Variants in MS4A13 observed in about 807,000 individuals in gnomAD.
MS4A13 encodes membrane-spanning 4-domains subfamily A member 13.
A neutral mutation model predicts 18.4 loss-of-function variants in MS4A13; 21 were observed. The ratio of observed to expected loss-of-function variants is 1.14; its 90% CI spans 0.81 to 1.64. MS4A13 has a LOEUF of 1.64. Among genes scored for constraint, MS4A13 ranks in the 40% most tolerant of loss-of-function variants. The pLI is 0.00. For missense variants in MS4A13, 173 were observed against 176.8 expected, an observed-to-expected ratio of 0.98 and a Z score of 0.12; for synonymous variants, 62 against 57.2, an observed-to-expected ratio of 1.08 and a Z score of -0.38.
intron 4 of MS4A13, among the ~76,000 whole-genome samples, chr11:60,524,808 C>G (rs192553571): frequency 1.3e-5 from 2 of 152,060 alleles, no homozygotes; most frequent in East Asian, 3.9e-4. Context: ...TACAGGTGCC[C>G]GCCACCAAGC....
At chr11:60,517,694 A>G (rs2086646324) in intron 2 of MS4A13, among the ~76,000 whole-genome samples, 1 of 152,240 alleles carries the variant, frequency 6.6e-6, no homozygotes. Flanking sequence ...TGTTGGATTT[A>G]TGGCTTCCTG....
At chr11:60,542,262 G>A (rs2086866070) in intron 6 of MS4A13, among the ~76,000 whole-genome samples, 1 of 148,506 alleles carries the variant, frequency 6.7e-6, no homozygotes, top group African/African-American at 2.5e-5. Context: ...GAGAAAGAAA[G>A]AAAGAAAAAG....
intron 6 of MS4A13, among the ~76,000 whole-genome samples, chr11:60,531,909 G>A (rs936326004): frequency 1.3e-5 from 2 of 152,244 alleles, no homozygotes; most frequent in Non-Finnish European, 2.9e-5. Context: ...CTGGGAGTTA[G>A]GACTTCCAGT....
intron 6 of MS4A13, among the ~76,000 whole-genome samples, chr11:60,538,186 A>G (rs1378485528): frequency 6.6e-6 from 1 of 151,020 alleles, no homozygotes; most frequent in Non-Finnish European, 1.5e-5. Flanking sequence ...ATAAAAAAAA[A>G]AAAAACGAAA....
intron 3 of MS4A13, 63 bp from the exon 4 acceptor site, chr11:60,523,834 A>T (rs1326825594): frequency 6.4e-6 from 6 of 943,224 alleles, no homozygotes; most frequent in Non-Finnish European, 1.0e-5. Flanking sequence ...AGAGTTATTA[A>T]AAGTACATTC....
intron 6 of MS4A13, among the ~76,000 whole-genome samples, chr11:60,532,305 G>C (rs1390249878): frequency 6.6e-6 from 1 of 152,208 alleles, no homozygotes; most frequent in African/African-American, 2.4e-5. Flanking sequence ...GCGCAGGCCA[G>C]TGTGTGCACG....
chr11:60,516,254 T>G (rs949372339), intron 2 of MS4A13, among the ~76,000 whole-genome samples, 170 bp downstream of exon 2: 3 of 152,088 alleles, frequency 2.0e-5, no homozygotes, highest in African/African-American at 7.2e-5. Context: ...TCATGTTCCT[T>G]CATGTGCTGA....
chr11:60,540,591 A>AAT (rs1185337122), intron 6 of MS4A13, among the ~76,000 whole-genome samples: 2 of 152,332 alleles, frequency 1.3e-5, no homozygotes, highest in African/African-American at 4.8e-5. Flanking sequence ...CTAAAAATAT[A>AAT]ATAGCTTAAA....
chr11:60,533,175 T>C (rs2135265670), intron 6 of MS4A13, among the ~76,000 whole-genome samples: 1 of 103,696 alleles, frequency 9.6e-6, no homozygotes, highest in Admixed American at 1.2e-4. Context: ...GGATGGAGAA[T>C]GATTTTGACG....
intron 5 of MS4A13, among the ~76,000 whole-genome samples, chr11:60,526,245 A>T (rs528428078): frequency 6.6e-6 from 1 of 152,352 alleles, no homozygotes; most frequent in African/African-American, 2.4e-5. Context: ...ATGTAAACAA[A>T]CATGGACCAG....
At chr11:60,528,178 G>A (rs1201503383) in intron 5 of MS4A13, among the ~76,000 whole-genome samples, 2 of 151,910 alleles carry the variant, frequency 1.3e-5, no homozygotes, top group African/African-American at 2.4e-5. Flanking sequence ...TTACTCTACT[G>A]GTTGTATTTT....
chr11:60,526,972 C>T (rs2135256789), intron 5 of MS4A13, among the ~76,000 whole-genome samples: 1 of 152,276 alleles, frequency 6.6e-6, no homozygotes, highest in East Asian at 1.9e-4. Flanking sequence ...TAGTTAACTG[C>T]TCTGTTCTTT....
At position 60,527,404 on chromosome 11, in the gene MS4A13, C is replaced by CTGTGTGTGTG. The variant is rs1565212716; in HGVS notation, c.307-1960_307-1959insGTGTGTGTGT. Among the ~76,000 whole-genome samples, 440 of 73,074 alleles carry CTGTGTGTGTG rather than the reference C, an allele frequency of 6.0e-3. 2 individuals are homozygous for CTGTGTGTGTG. The highest frequency in any genetic ancestry group is 7.8e-3 in the Non-Finnish European group (309 of 39,844). 47.9% of individuals were successfully genotyped at this position (73,074 alleles called of 152,430 possible). A position where few individuals can be genotyped will look rare whatever the true frequency, so the allele number is the denominator to read the frequency against. On this transcript the variant is annotated intron_variant, in intron 5 of 6. Transcript: ENST00000378186. Reference sequence around the variant, plus strand: ...TCTCTCTCTCTCTCTCTCTCTCTCTCTCTCTCTGTGTGTGTGTGTGTGTGT... The same window carrying CTGTGTGTGTG: ...TCTCTCTCTCTCTCTCTCTCTCTCTCTGTGTGTGTGTCTCTCTGTGTGTGTGTGTGTGTGT...
chr11:60,515,771 G>A (rs2086633353), intron 1 of MS4A13, 164 bp downstream of exon 1: 1 of 152,206 alleles, frequency 6.6e-6, no homozygotes, highest in Non-Finnish European at 1.5e-5. Context: ...GTCATAGAGA[G>A]AGACTTTTCA....
At chr11:60,518,288 G>A in intron 3 of MS4A13, 76 bp downstream of exon 3, 1 of 1,242,714 alleles carries the variant, frequency 8.0e-7, no homozygotes, top group Admixed American at 2.5e-5. Flanking sequence ...GTAGGGAACG[G>A]TTTCTGAACA....
rs1183055805 is a variant in MS4A13, at chr11:60,525,457, A to G, written c.306+131A>G. 9.1e-6 allele frequency: 5 copies of G among 552,094 alleles called. No homozygotes were observed. In the East Asian group the frequency reaches 2.0e-4, roughly 22 times the overall value. The allele number at this position is 552,094 out of a possible 1,614,324, so 34.2% of individuals were successfully genotyped here. On this transcript the variant is annotated intron_variant, in intron 5 of 6. Coordinates refer to ENST00000378186, the MANE Select transcript of MS4A13 (RefSeq NM_001012417.3). ...TCTTTGATTTAGTTGTGAGCTCTTG[A>G]TTGAAAATTTTAAATCAAAAATAAT... is the stretch of plus-strand genomic sequence containing the variant.
At chr11:60,518,001 A>G (rs573487696) in intron 2 of MS4A13, 71 bp from the exon 3 acceptor site, 1 of 1,209,234 alleles carries the variant, frequency 8.3e-7, no homozygotes, top group South Asian at 1.7e-5. Flanking sequence ...AATGCTTCTT[A>G]TAGTTAACAC....
At chr11:60,530,099 G>C (rs1029862106) in intron 6 of MS4A13, among the ~76,000 whole-genome samples, 3 of 152,166 alleles carry the variant, frequency 2.0e-5, no homozygotes, top group Non-Finnish European at 4.4e-5. Context: ...TTATGAGAAT[G>C]ATTATTTTCT....
At chr11:60,542,811 C>A (rs144963348), downstream of MS4A13, 2 of 329,414 alleles carry the variant, frequency 6.1e-6, no homozygotes, top group Admixed American at 8.7e-5. Context: ...TATCTAGGTA[C>A]GCTGAATAGC....
Sources: allele counts gnomAD v4.1 joint callset (sites outside exome capture counted in the v4.1 genomes callset), GRCh38; gene constraint gnomAD v4.1.1; transcripts MANE v1.5; gene names NCBI Gene and HGNC (gene_info 2026-07-23, HGNC 2026-07-21).